ZNF705G: variants seen among roughly 807,000 people sequenced by gnomAD.
ZNF705G encodes the protein zinc finger protein 705G.
A neutral mutation model predicts 19.6 loss-of-function variants in ZNF705G; 23 were observed. The ratio of observed to expected loss-of-function variants is 1.17; its 90% CI spans 0.84 to 1.66. The LOEUF is 1.66. Ranked by LOEUF, ZNF705G falls within the 40% of genes most tolerant of loss-of-function variation. ZNF705G has a pLI of 0.00. For missense variants in ZNF705G, 457 were observed against 354.4 expected (o/e 1.29, Z -2.32); for synonymous variants, 146 against 117.7 (o/e 1.24, Z -1.56).
chr8:7,365,234 T>C (rs1377289957), intron 2 of ZNF705G, among the ~76,000 whole-genome samples: 1 of 149,662 alleles, frequency 6.7e-6, no homozygotes, highest in Non-Finnish European at 1.5e-5. Context: ...ACTTATGTTA[T>C]GGGTCTAAAA....
At position 7,358,248 on chromosome 8, in the gene ZNF705G, G is replaced by T. The variant is rs1240051587; in HGVS notation, c.631C>A (p.Gln211Lys). ...TCGTGTCTTCTAAGGTGAGAACACTGAGTGAAGGCTTTTCTACATAGATGA... is the reference window on the plus strand; with the variant it reads ...TCGTGTCTTCTAAGGTGAGAACACTTAGTGAAGGCTTTTCTACATAGATGA... ...ACHLCRKAFTQCSHLRRHEKT... is the reference protein window; with the variant it reads ...ACHLCRKAFTKCSHLRRHEKT... The change falls in exon 7 of 7, where the codon CAG becomes AAG. Residue 211 changes from glutamine to lysine, a missense_variant. Physicochemically the swap from Gln to Lys is moderately conservative, Grantham distance 53. Coordinates refer to ENST00000400156, the MANE Select transcript of ZNF705G (RefSeq NM_001164457.3). 6.2e-7 allele frequency: 1 copy of T among 1,607,658 alleles called. No homozygotes were observed. The highest frequency in any genetic ancestry group is 8.5e-7 in the Non-Finnish European group (1 of 1,179,620).
At chr8:7,381,338 G>A (rs1439060157) in intron 2 of ZNF705G, 114 bp downstream of exon 2, 1 of 90,138 alleles carries the variant, frequency 1.1e-5, no homozygotes, top group African/African-American at 6.9e-5. Flanking sequence ...TCTCAGCTAT[G>A]CAGCTGTTCA....
rs536505739 is a variant in ZNF705G at position 7,361,748 on chromosome 8, G to A, written c.13-512C>T. On this transcript the variant is annotated intron_variant, in intron 3 of 6. Coordinates refer to ENST00000400156, the MANE Select transcript of ZNF705G (RefSeq NM_001164457.3). Reference sequence around the variant, plus strand: ...ATAATCTAATGAACTAATAGAAAACGTGTTTCCTATCTAGCAAATATTTAT... The same window carrying A: ...ATAATCTAATGAACTAATAGAAAACATGTTTCCTATCTAGCAAATATTTAT... Among the ~76,000 whole-genome samples the A allele has an allele frequency of 1.7e-3, 259 of 149,638 alleles. 30 individuals carry two copies. Among genetic ancestry groups the A allele is most frequent in the African/African-American group, 5.4e-3 (212 of 39,066 alleles).
At chr8:7,364,215 T>C (rs1296324865) in intron 2 of ZNF705G, among the ~76,000 whole-genome samples, 1 of 149,704 alleles carries the variant, frequency 6.7e-6, no homozygotes, top group Non-Finnish European at 1.5e-5. Context: ...CATATGTTTA[T>C]ATGAATGTAT....
Position 7,383,754 on chromosome 8 carries a change from A to AT in ZNF705G, c.-222+1743dup, listed in dbSNP as rs550239862. On this transcript the variant is annotated intron_variant, in intron 1 of 6. Coordinates refer to ENST00000400156, the MANE Select transcript of ZNF705G (RefSeq NM_001164457.3). ...GGAGCTCGTTTGTACCTTTCACCAC[A>AT]TAACAACACAGAGAAGGAAGCGAGC... 9.4e-4 allele frequency among the ~76,000 whole-genome samples: 141 copies of AT among 149,450 alleles called. 2 individuals are homozygous for AT. Among genetic ancestry groups the AT allele is most frequent in the Non-Finnish European group, 1.6e-3 (111 of 67,992 alleles).
Position 7,358,077 on chromosome 8 carries a change from T to A in ZNF705G, c.802A>T (p.Ser268Cys). The A allele has an allele frequency of 1.9e-6, 3 of 1,608,260 alleles. No individual in the cohort carries two copies. Among genetic ancestry groups the A allele is most frequent in the Non-Finnish European group, 2.5e-6 (3 of 1,179,794 alleles). Residue 268 changes from serine to cysteine, a missense_variant, in exon 7 of 7, where the codon AGC becomes TGC. Ser to Cys is a moderately radical substitution (Grantham distance 112). Transcript: ENST00000400156. ...CDKSGKAFSQ[S>C]SGFRGNKIIH... Reference sequence around the variant, plus strand: ...ATTTTGTTTCCTCTAAAGCCAGAGCTTTGACTAAAGGCTTTCCCACTTTTA... The same window carrying A: ...ATTTTGTTTCCTCTAAAGCCAGAGCATTGACTAAAGGCTTTCCCACTTTTA...
intron 2 of ZNF705G, among the ~76,000 whole-genome samples, chr8:7,379,167 C>T (rs1807375699): frequency 6.7e-6 from 1 of 148,844 alleles, no homozygotes. Context: ...CCTGATTTGG[C>T]CAAGAAACAA....
At chr8:7,359,877 TA>T (rs1222598206) in intron 5 of ZNF705G, among the ~76,000 whole-genome samples, 176 bp from the exon 6 acceptor site, 2 of 149,498 alleles carry the variant, frequency 1.3e-5, no homozygotes, top group Non-Finnish European at 2.9e-5. Flanking sequence ...AATTAGAAAA[TA>T]TTTTTAAAAT....
At chr8:7,381,002 C>T (rs1807469148) in intron 2 of ZNF705G, among the ~76,000 whole-genome samples, 1 of 66,844 alleles carries the variant, frequency 1.5e-5, no homozygotes, top group Non-Finnish European at 2.3e-5. Context: ...GCCTACAGAG[C>T]TAGACTCTGT....
chr8:7,364,902 T>A (rs559070281), intron 2 of ZNF705G, among the ~76,000 whole-genome samples: 2 of 149,522 alleles, frequency 1.3e-5, no homozygotes, highest in Non-Finnish European at 2.9e-5. Context: ...TATTAGAGAA[T>A]GCCTACAAAG....
rs1441178747 is a variant in ZNF705G at position 7,359,107 on chromosome 8, C to T, written c.318+512G>A. Among the ~76,000 whole-genome samples the T allele has an allele frequency of 1.1e-4, 16 of 149,594 alleles. 2 individuals are homozygous for T. Among genetic ancestry groups the T allele is most frequent in the African/African-American group, 1.5e-4 (6 of 39,004 alleles). On this transcript the variant is annotated intron_variant, in intron 6 of 6. Coordinates refer to ENST00000400156, the MANE Select transcript of ZNF705G (RefSeq NM_001164457.3). ...CATGAATGACTATTTTTTCTACCCA[C>T]CTTTTACATGAAAATTGTGTACTTC...
chr8:7,369,681 A>G (rs1193491409), intron 2 of ZNF705G, among the ~76,000 whole-genome samples: 2 of 149,812 alleles, frequency 1.3e-5, no homozygotes, highest in Non-Finnish European at 2.9e-5. Flanking sequence ...GATAGAGAAA[A>G]TACAGTATAT....
Position 7,356,619 on chromosome 8 carries a change from G to C in ZNF705G, c.*1357C>G, listed in dbSNP as rs1320295084. 1 of 149,534 alleles carries C rather than the reference G, an allele frequency of 6.7e-6. No individual in the cohort carries two copies. Among genetic ancestry groups the C allele is most frequent in the African/African-American group, 2.6e-5 (1 of 38,960 alleles). 9.3% of individuals were successfully genotyped at this position (149,534 alleles called of 1,614,324 possible). A position where few individuals can be genotyped will look rare whatever the true frequency, so the allele number is the denominator to read the frequency against. Reference sequence around the variant, plus strand: ...ACTCGAGGGTTGGATGGAAACAAGTGGTTTTAGTGGACGTTGAAGTAAAGG... The same window carrying C: ...ACTCGAGGGTTGGATGGAAACAAGTCGTTTTAGTGGACGTTGAAGTAAAGG... On this transcript the variant is annotated 3_prime_UTR_variant, in exon 7 of 7. Coordinates refer to ENST00000400156, the MANE Select transcript of ZNF705G (RefSeq NM_001164457.3).
intron 2 of ZNF705G, among the ~76,000 whole-genome samples, chr8:7,365,800 C>A (rs369398364): frequency 6.7e-6 from 1 of 149,626 alleles, no homozygotes; most frequent in African/African-American, 2.6e-5. Context: ...TATTTAGACA[C>A]AACTTAGTGA....
At position 7,355,826 on chromosome 8, in the gene ZNF705G, G is replaced by A. The variant is rs550291550; in HGVS notation, c.*2150C>T. On this transcript the variant is annotated 3_prime_UTR_variant, in exon 7 of 7. Coordinates refer to ENST00000400156, the MANE Select transcript of ZNF705G (RefSeq NM_001164457.3). ...TAAATAATGATATGAGCTCTGCCTG[G>A]ACACAGTCCTTGCCTCTCCAACCAG... The A allele has an allele frequency of 1.2e-4, 18 of 149,626 alleles. No homozygotes were observed. The East Asian group carries it at 2.7e-3, about 22-fold the overall frequency. 9.3% of individuals were successfully genotyped at this position (149,626 alleles called of 1,614,324 possible). A position where few individuals can be genotyped will look rare whatever the true frequency, so the allele number is the denominator to read the frequency against.
intron 2 of ZNF705G, among the ~76,000 whole-genome samples, chr8:7,370,006 C>A (rs1335969302): frequency 1.3e-5 from 2 of 148,356 alleles, no homozygotes; most frequent in Non-Finnish European, 2.9e-5. Context: ...AGTGTAAAAA[C>A]CTGCACATAC....
chr8:7,359,517 A>G, intron 6 of ZNF705G, 102 bp downstream of exon 6: 4 of 1,564,150 alleles, frequency 2.6e-6, no homozygotes, highest in Non-Finnish European at 3.4e-6. Context: ...AAAACACTTA[A>G]TGCCAGCTTA....
intron 6 of ZNF705G, among the ~76,000 whole-genome samples, chr8:7,359,142 C>G (rs1806443408): frequency 6.7e-6 from 1 of 149,578 alleles, no homozygotes; most frequent in South Asian, 2.1e-4. Flanking sequence ...CTCAATATCC[C>G]ACCCTTTCCC....
chr8:7,371,561 A>C (rs1394556318), intron 2 of ZNF705G, among the ~76,000 whole-genome samples: 1 of 103,524 alleles, frequency 9.7e-6, no homozygotes, highest in Non-Finnish European at 2.1e-5. Context: ...TGATGTGTTC[A>C]TGGTGTATAC....
Sources: gnomAD v4.1 joint callset for allele counts (sites outside exome capture counted in the v4.1 genomes callset) on GRCh38, gnomAD v4.1.1 for gene constraint, MANE v1.5 for transcripts, NCBI Gene and HGNC (gene_info 2026-07-23, HGNC 2026-07-21) for gene names.